Variants in MYLK observed in about 807,000 individuals in gnomAD.
MYLK encodes myosin light chain kinase, smooth muscle.
Under a neutral mutation model 203.4 loss-of-function variants are expected in MYLK, and 106 were observed. The ratio of observed to expected loss-of-function variants is 0.52; its 90% CI spans 0.45 to 0.61. MYLK has a LOEUF of 0.61. Ranked by LOEUF, MYLK falls within the 20% of genes least tolerant of loss-of-function variation. The probability of loss-of-function intolerance (pLI) is 0.00; values close to 1 mark genes in which losing one functional copy is unlikely to be tolerated. For synonymous variants in MYLK, 867 were observed against 959.5 expected (o/e 0.90, Z 1.78); for missense variants, 2,072 against 2,442.3 (o/e 0.85, Z 3.20).
At chr3:123,784,642 T>A (rs1356268226) in intron 4 of MYLK, among the ~76,000 whole-genome samples, 1 of 152,238 alleles carries the variant, frequency 6.6e-6, no homozygotes, top group African/African-American at 2.4e-5. Context: ...TTGACTTTTG[T>A]CTATGGATTG....
intron 2 of MYLK, among the ~76,000 whole-genome samples, chr3:123,849,799 T>C (rs1047615044): frequency 6.6e-6 from 1 of 152,156 alleles, no homozygotes; most frequent in Non-Finnish European, 1.5e-5. Context: ...AACGTGCAGG[T>C]TCGTTACATA....
intron 12 of MYLK, among the ~76,000 whole-genome samples, chr3:123,724,743 CATTT>C (rs56341070): frequency 0.96 from 145,419 of 151,374 alleles, 70,092 homozygotes; most frequent in East Asian, 1. Context: ...CTCGCTCTTT[CATTT>C]ATTTATTTAT....
chr3:123,793,134 CT>C (rs2064847332), intron 4 of MYLK, among the ~76,000 whole-genome samples: 1 of 152,110 alleles, frequency 6.6e-6, no homozygotes, highest in Non-Finnish European at 1.5e-5. Context: ...ATGATCATGC[CT>C]ATTTGTAGAA....
chr3:123,717,224 C>A (rs2061927195), intron 13 of MYLK, among the ~76,000 whole-genome samples: 1 of 152,158 alleles, frequency 6.6e-6, no homozygotes, highest in Admixed American at 6.5e-5. Context: ...TGTGCATAAC[C>A]AGGGAAGACA....
At chr3:123,857,604 A>G (rs1370493980) in intron 2 of MYLK, among the ~76,000 whole-genome samples, 1 of 143,264 alleles carries the variant, frequency 7.0e-6, no homozygotes, top group African/African-American at 2.6e-5. Flanking sequence ...CAATGAGAAC[A>G]CATGGACACA....
chr3:123,700,854 C>A lies in MYLK; in HGVS notation c.2614G>T (p.Val872Leu), dbSNP rs1170560761. 8 of 1,613,912 alleles carry A rather than the reference C, an allele frequency of 5.0e-6. No individual in the cohort carries two copies. Among genetic ancestry groups the A allele is most frequent in the Non-Finnish European group, 6.8e-6 (8 of 1,180,036 alleles). ...CTCGTCTCCACGCGCCTCTTCAGCACCCCTCGCACGTCCTCGCCGTCTTCC... is the reference window on the plus strand; with the variant it reads ...CTCGTCTCCACGCGCCTCTTCAGCAACCCTCGCACGTCCTCGCCGTCTTCC... ...EEEDGEDVRG[V>L]LKRRVETRQH... The change falls in exon 18 of 34, where the codon GTG becomes TTG. Residue 872 changes from valine to leucine, a missense_variant. Coordinates refer to ENST00000360304, the MANE Select transcript of MYLK (RefSeq NM_053025.4).
chr3:123,833,353 T>C (rs890757509), intron 2 of MYLK, among the ~76,000 whole-genome samples: 3 of 152,192 alleles, frequency 2.0e-5, no homozygotes, highest in Non-Finnish European at 4.4e-5. Context: ...CCTCAATGTA[T>C]ATCCATCTCT....
intron 3 of MYLK, among the ~76,000 whole-genome samples, chr3:123,825,228 A>T (rs1215595217): frequency 6.6e-6 from 1 of 152,170 alleles, no homozygotes; most frequent in East Asian, 1.9e-4. Flanking sequence ...TATGGAGGAA[A>T]CTACAGGTTA....
rs112531209 is a variant in MYLK at position 123,638,705 on chromosome 3, G to A, written c.4838-511C>T. The A allele has an allele frequency of 1.3e-4, 129 of 968,578 alleles. No homozygotes were observed. The African/African-American group carries it at 2.1e-3, about 16-fold the overall frequency. 60.0% of individuals were successfully genotyped at this position (968,578 alleles called of 1,614,324 possible). On this transcript the variant is annotated intron_variant, in intron 28 of 33. Transcript: ENST00000360304. ...GGTGGTCGGGACTCAAGCCCAGGTA[G>A]TCCAACTCCTGAGCCATGCTTACCA... is the stretch of plus-strand genomic sequence containing the variant.
intron 7 of MYLK, 98 bp from the exon 8 acceptor site, chr3:123,737,641 G>T: frequency 6.6e-7 from 1 of 1,510,320 alleles, no homozygotes; most frequent in Non-Finnish European, 9.1e-7. Context: ...AGACTCCAGG[G>T]CCTGGGCAGC....
chr3:123,688,503 C>T (rs2060544424), intron 19 of MYLK, among the ~76,000 whole-genome samples: 1 of 152,174 alleles, frequency 6.6e-6, no homozygotes, highest in Admixed American at 6.5e-5. Flanking sequence ...CATTGTGCTC[C>T]CTGCTTTCCC....
rs1198600835 is a variant in MYLK, at chr3:123,692,803, C to T, written c.3497G>A (p.Gly1166Asp). ...ATTCTTGGCTACACACTTGTATAAGCCTCTGTCCTCAGGCAGTGCCTTCTC... is the reference window on the plus strand; with the variant it reads ...ATTCTTGGCTACACACTTGTATAAGTCTCTGTCCTCAGGCAGTGCCTTCTC... ...SIEKALPEDR[G>D]LYKCVAKNDA... Residue 1166 changes from glycine to aspartate, a missense_variant, in exon 19 of 34, where the codon GGC becomes GAC. This residue lies in a region of MYLK where 865 missense variants were observed against 1,016.0 expected (regional missense o/e 0.85). Coordinates refer to ENST00000360304, the MANE Select transcript of MYLK (RefSeq NM_053025.4). The T allele has an allele frequency of 6.2e-7, 1 of 1,613,962 alleles. No homozygotes were observed. Among genetic ancestry groups the T allele is most frequent in the Non-Finnish European group, 8.5e-7 (1 of 1,180,032 alleles).
intron 2 of MYLK, among the ~76,000 whole-genome samples, chr3:123,845,950 C>T (rs2029927712): frequency 6.6e-6 from 1 of 152,144 alleles, no homozygotes; most frequent in Admixed American, 6.5e-5. Context: ...CTCTGTTTCC[C>T]CTAATGTTAA....
At chr3:123,712,081 C>G (rs975966894) in intron 13 of MYLK, among the ~76,000 whole-genome samples, 1 of 152,206 alleles carries the variant, frequency 6.6e-6, no homozygotes, top group African/African-American at 2.4e-5. Context: ...AGGTAACCCC[C>G]CACGGTCCCC....
chr3:123,634,181 C>T (rs900391522), intron 29 of MYLK, among the ~76,000 whole-genome samples: 1 of 152,180 alleles, frequency 6.6e-6, no homozygotes, highest in Non-Finnish European at 1.5e-5. Flanking sequence ...ATTTTGTGGA[C>T]TGGCCGAGGA....
At chr3:123,807,646 C>T (rs1008631421) in intron 3 of MYLK, among the ~76,000 whole-genome samples, 10 of 152,186 alleles carry the variant, frequency 6.6e-5, no homozygotes, top group African/African-American at 2.4e-4. Flanking sequence ...ATCCCTCATG[C>T]CTGAGGAAGA....
chr3:123,876,161 T>C (rs139043171), intron 2 of MYLK, among the ~76,000 whole-genome samples: 154 of 151,900 alleles, frequency 1.0e-3, no homozygotes, highest in African/African-American at 3.5e-3. Flanking sequence ...AATAAAATAT[T>C]AGAAAATCAA....
intron 3 of MYLK, among the ~76,000 whole-genome samples, chr3:123,829,804 C>T (rs889605358): frequency 2.0e-5 from 3 of 152,044 alleles, no homozygotes; most frequent in African/African-American, 7.2e-5. Flanking sequence ...CTATGAGTGT[C>T]CCATTGGCTC....
At chr3:123,883,727 C>T (rs1261652165) in intron 1 of MYLK, among the ~76,000 whole-genome samples, 2 of 152,242 alleles carry the variant, frequency 1.3e-5, no homozygotes, top group East Asian at 3.9e-4. Context: ...GGAGTAGGAA[C>T]AAGTCTGCAA....
Sources: gnomAD v4.1 joint callset for allele counts (sites outside exome capture counted in the v4.1 genomes callset) on GRCh38, gnomAD v4.1.1 for gene constraint, gnomAD v4.1.1 regional missense constraint, MANE v1.5 for transcripts, NCBI Gene and HGNC (gene_info 2026-07-23, HGNC 2026-07-21) for gene names.